SLC4A5: variants seen among roughly 807,000 people sequenced by gnomAD.
SLC4A5 encodes the protein electrogenic sodium bicarbonate cotransporter 4.
Under a neutral mutation model 120.4 loss-of-function variants are expected in SLC4A5, and 96 were observed. The observed-to-expected ratio is 0.80, with a 90% CI of 0.68 to 0.94. The LOEUF (loss-of-function observed/expected upper bound fraction) is 0.94, where lower values mean the gene tolerates loss of function less well. SLC4A5 is among the 40% of genes least tolerant of loss of function. The probability of loss-of-function intolerance (pLI) is 0.00; values close to 1 mark genes in which losing one functional copy is unlikely to be tolerated. For missense variants in SLC4A5, 1,259 were observed against 1,459.5 expected, an observed-to-expected ratio of 0.86 and a Z score of 2.24; for synonymous variants, 550 against 571.1, an observed-to-expected ratio of 0.96 and a Z score of 0.53.
At chr2:74,297,765 A>G (rs564742266) in intron 7 of SLC4A5, among the ~76,000 whole-genome samples, 12 of 152,184 alleles carry the variant, frequency 7.9e-5, no homozygotes, top group Non-Finnish European at 1.5e-4. Context: ...TTGGCTACTA[A>G]GTATTGACTT....
Position 74,311,367 on chromosome 2 carries a change from T to C in SLC4A5, c.79+3578A>G, listed in dbSNP as rs79480514. Among the ~76,000 whole-genome samples the C allele has an allele frequency of 7.0e-3, 1,069 of 152,164 alleles. 8 individuals are homozygous for C. Among genetic ancestry groups the C allele is most frequent in the Middle Eastern group, 0.01 (3 of 294 alleles). On this transcript the variant is annotated intron_variant, in intron 6 of 30. Transcript: ENST00000394019. ...TAGGATTATTTTGCAATTCCTTCTC[T>C]TGTTTCCTAATATGGGAGCTTAGGT...
chr2:74,225,520 C>T (rs922302260), intron 27 of SLC4A5, among the ~76,000 whole-genome samples: 1 of 152,112 alleles, frequency 6.6e-6, no homozygotes, highest in Non-Finnish European at 1.5e-5. Context: ...CGCTAGAAAC[C>T]GGGAGGCGGA....
In SLC4A5 at chr2:74,239,272, C is replaced by G. The variant is rs1573014584; in HGVS notation, c.2319+63G>C. 7.2e-6 allele frequency: 11 copies of G among 1,530,162 alleles called. No individual in the cohort carries two copies. The East Asian group carries it at 2.5e-4, about 34-fold the overall frequency. 94.8% of individuals were successfully genotyped at this position (1,530,162 alleles called of 1,614,324 possible). A position where few individuals can be genotyped will look rare whatever the true frequency, so the allele number is the denominator to read the frequency against. On this transcript the variant is annotated intron_variant, in intron 21 of 30. Transcript: ENST00000394019. ...TCCATCCTGTCGGTGGACCAGAACC[C>G]TCTCTGGGGGACTCAGCAGCTGTCT...
Position 74,262,362 on chromosome 2 carries a change from T to A in SLC4A5, c.716-130A>T, listed in dbSNP as rs921496240. The A allele has an allele frequency of 5.9e-6, 3 of 507,484 alleles. No individual in the cohort carries two copies. In the South Asian group the frequency reaches 9.9e-5, roughly 17 times the overall value. The allele number at this position is 507,484 out of a possible 1,614,324, so 31.4% of individuals were successfully genotyped here. On this transcript the variant is annotated intron_variant, in intron 10 of 30. Transcript: ENST00000394019. ...GTCTCTTCCCCTTCTGGGAAGAAAT[T>A]CTTTTTTTTTTTTTTTTTTTAATTT...
At chr2:74,236,540 G>A (rs1407637404) in intron 21 of SLC4A5, among the ~76,000 whole-genome samples, 3 of 152,192 alleles carry the variant, frequency 2.0e-5, no homozygotes, top group East Asian at 1.9e-4. Flanking sequence ...TTCTTGTTCC[G>A]TAAACACATG....
intron 5 of SLC4A5, among the ~76,000 whole-genome samples, chr2:74,327,035 A>C (rs1467849740): frequency 6.6e-6 from 1 of 152,180 alleles, no homozygotes; most frequent in African/African-American, 2.4e-5. Context: ...ACATCAATTC[A>C]ATCCAACAAA....
chr2:74,340,029 C>T (rs1478026188), intron 2 of SLC4A5, among the ~76,000 whole-genome samples: 2 of 152,132 alleles, frequency 1.3e-5, no homozygotes, highest in Admixed American at 6.5e-5. Flanking sequence ...CTACCAGGGC[C>T]TGGGGCAGTG....
intron 18 of SLC4A5, 135 bp downstream of exon 18, chr2:74,248,218 G>T: frequency 8.2e-7 from 1 of 1,218,204 alleles, no homozygotes; most frequent in Non-Finnish European, 1.1e-6. Context: ...CCACCTGGTA[G>T]CCCTTCCCAT....
chr2:74,322,370 G>T (rs975727738), intron 5 of SLC4A5, among the ~76,000 whole-genome samples: 16 of 151,962 alleles, frequency 1.1e-4, no homozygotes, highest in Admixed American at 3.3e-4. Flanking sequence ...AGTTGTAAAA[G>T]AAAATGATAT....
intron 2 of SLC4A5, among the ~76,000 whole-genome samples, chr2:74,340,862 C>A (rs1326127027): frequency 6.6e-6 from 1 of 152,046 alleles, no homozygotes; most frequent in Non-Finnish European, 1.5e-5. Context: ...AGAAGAGGCT[C>A]CACTCCAAGT....
chr2:74,244,726 T>TG (rs1443960600), intron 19 of SLC4A5, among the ~76,000 whole-genome samples: 6 of 152,232 alleles, frequency 3.9e-5, no homozygotes, highest in African/African-American at 9.6e-5. Context: ...GGACTACAGG[T>TG]GTGCACCACT....
intron 27 of SLC4A5, among the ~76,000 whole-genome samples, chr2:74,225,511 G>A (rs1288970882): frequency 2.6e-5 from 4 of 152,160 alleles, no homozygotes; most frequent in Admixed American, 6.5e-5. Flanking sequence ...CAGAAGAATC[G>A]CTAGAAACCG....
In SLC4A5 at chr2:74,255,776, T is replaced by C. The variant is rs754044063; in HGVS notation, c.1024A>G (p.Arg342Gly). 1 of 1,613,966 alleles carries C rather than the reference T, an allele frequency of 6.2e-7. No homozygotes were observed. The highest frequency in any genetic ancestry group is 1.3e-5 in the African/African-American group (1 of 74,912). Residue 342 changes from arginine (R) to glycine (G), a missense_variant and splice_region_variant, in exon 13 of 31, where the codon AGA becomes GGA. Arg to Gly is a moderately radical substitution (Grantham distance 125). Transcript: ENST00000394019. This position sits in a 1 kb window ranked among gnomAD's most constrained non-coding sequence, Gnocchi z 4.0. Reference sequence around the variant, plus strand: ...GGGACAGGTTTCAATGGCTCTCACCTGGTGGGGACAGGCACCTCGGTCACT... The same window carrying C: ...GGGACAGGTTTCAATGGCTCTCACCCGGTGGGGACAGGCACCTCGGTCACT...
rs757430815 is a variant in SLC4A5, at chr2:74,341,304, C to CAAA, written c.-270+1151_-270+1153dup. On this transcript the variant is annotated intron_variant, in intron 2 of 30. Transcript: ENST00000394019. The stretch of plus-strand genomic sequence containing the variant: ...CTAGCGACAGAGCGAGACTCCATCT[C>CAAA]AAAAAAAAAAAAAAAAAAAGAGTAA... Among the ~76,000 whole-genome samples the CAAA allele has an allele frequency of 6.4e-3, 473 of 74,288 alleles. 9 individuals carry two copies. Among genetic ancestry groups the CAAA allele is most frequent in the African/African-American group, 0.018 (447 of 25,126 alleles). The allele number at this position is 74,288 out of a possible 152,430, so 48.7% of individuals were successfully genotyped here.
chr2:74,231,375 C>T (rs1237090122), intron 24 of SLC4A5, 67 bp from the exon 25 acceptor site: 3 of 1,454,906 alleles, frequency 2.1e-6, no homozygotes, highest in East Asian at 4.7e-5. Flanking sequence ...GGCCCTCCTG[C>T]CCCTCTGTGG....
chr2:74,227,804 C>A lies in SLC4A5; in HGVS notation c.2916+6G>T. The A allele has an allele frequency of 6.2e-7, 1 of 1,605,742 alleles. No individual in the cohort carries two copies. Among genetic ancestry groups the A allele is most frequent in the Non-Finnish European group, 8.5e-7 (1 of 1,176,326 alleles). On this transcript the variant is annotated splice_donor_region_variant and intron_variant, in intron 26 of 30. Transcript: ENST00000394019. ...ATCATGAAGGGATCTGGAGGGAAAG[C>A]CTTACCTGGATGCCATTCAGGGAGG... is the stretch of plus-strand genomic sequence containing the variant.
chr2:74,266,254 C>G (rs898248556), intron 8 of SLC4A5, among the ~76,000 whole-genome samples: 2 of 152,052 alleles, frequency 1.3e-5, no homozygotes, highest in Admixed American at 6.6e-5. Context: ...AGAAACAGAC[C>G]TGTATATCCA....
At chr2:74,232,392 T>C in intron 24 of SLC4A5, 77 bp downstream of exon 24, 2 of 1,530,278 alleles carry the variant, frequency 1.3e-6, no homozygotes, top group Non-Finnish European at 8.8e-7. Flanking sequence ...AATCCTTTTG[T>C]GGCAGGCAAA....
At chr2:74,274,926 A>G (rs1029409159) in intron 8 of SLC4A5, among the ~76,000 whole-genome samples, 14 of 152,166 alleles carry the variant, frequency 9.2e-5, no homozygotes, top group Non-Finnish European at 2.1e-4. Flanking sequence ...TAGACTTAGG[A>G]TGATCTTTCA....
Sources: gnomAD v4.1 joint callset for allele counts (sites outside exome capture counted in the v4.1 genomes callset) on GRCh38, gnomAD v4.1.1 for gene constraint, Gnocchi (gnomAD v3.1) non-coding constraint, MANE v1.5 for transcripts, NCBI Gene and HGNC (gene_info 2026-07-23, HGNC 2026-07-21) for gene names.